ST6GALNAC3: variants seen among roughly 807,000 people sequenced by gnomAD.
The protein encoded by ST6GALNAC3 is ST6 N-acetylgalactosaminide alpha-2,6-sialyltransferase 3.
ST6GALNAC3 carries 25 observed loss-of-function variants against 32.7 expected under a neutral mutation model. That is an observed-to-expected ratio of 0.76 (90% CI 0.56 to 1.07). The LOEUF (loss-of-function observed/expected upper bound fraction) is 1.07. Ranked by LOEUF, ST6GALNAC3 falls within the 50% of genes least tolerant of loss-of-function variation. The pLI, the probability that ST6GALNAC3 is intolerant of heterozygous loss-of-function variation, is 0.00. For missense variants in ST6GALNAC3, 355 were observed against 382.4 expected, an observed-to-expected ratio of 0.93 and a Z score of 0.60; for synonymous variants, 129 against 133.1, an observed-to-expected ratio of 0.97 and a Z score of 0.21.
At chr1:76,307,129 A>G (rs115294729) in intron 1 of ST6GALNAC3, among the ~76,000 whole-genome samples, 5,081 of 152,208 alleles carry the variant, frequency 0.033, 311 homozygotes, top group African/African-American at 0.12. Flanking sequence ...GGCTGGACAG[A>G]TAGACACAAA....
chr1:76,144,815 C>T (rs1036126754), intron 1 of ST6GALNAC3, among the ~76,000 whole-genome samples: 1 of 152,150 alleles, frequency 6.6e-6, no homozygotes, highest in Non-Finnish European at 1.5e-5. Context: ...CATTGGTTAC[C>T]AACTGGTTTG....
At chr1:76,081,602 A>G (rs1646897126) in intron 1 of ST6GALNAC3, among the ~76,000 whole-genome samples, 1 of 152,194 alleles carries the variant, frequency 6.6e-6, no homozygotes, top group Admixed American at 6.5e-5. Context: ...TAGAGGAACT[A>G]GAGGGGCTGC....
chr1:76,118,908 T>A (rs1458031628), intron 1 of ST6GALNAC3, among the ~76,000 whole-genome samples: 1 of 152,186 alleles, frequency 6.6e-6, no homozygotes, highest in Non-Finnish European at 1.5e-5. Context: ...CTGCAACCTC[T>A]GTCTCCCGGG....
intron 3 of ST6GALNAC3, among the ~76,000 whole-genome samples, chr1:76,574,713 G>T (rs1380337349): frequency 6.6e-6 from 1 of 152,086 alleles, no homozygotes. Flanking sequence ...AGTTCAAATT[G>T]CCAGAAAGAG....
chr1:76,620,687 G>C (rs1648579812), intron 3 of ST6GALNAC3, among the ~76,000 whole-genome samples: 1 of 151,926 alleles, frequency 6.6e-6, no homozygotes, highest in African/African-American at 2.4e-5. Flanking sequence ...CTCATGTAAA[G>C]CTAATTATCT....
intron 3 of ST6GALNAC3, among the ~76,000 whole-genome samples, chr1:76,593,878 G>T (rs1303660887): frequency 6.6e-6 from 1 of 152,062 alleles, no homozygotes; most frequent in South Asian, 2.1e-4. Context: ...ATAGGAACAG[G>T]GATGGCAGAG....
chr1:76,610,620 G>A (rs1161310379), intron 3 of ST6GALNAC3, among the ~76,000 whole-genome samples: 3 of 152,096 alleles, frequency 2.0e-5, no homozygotes, highest in Non-Finnish European at 4.4e-5. Flanking sequence ...AAAGAGTATC[G>A]ATCCTGTTTT....
intron 1 of ST6GALNAC3, among the ~76,000 whole-genome samples, chr1:76,079,116 G>A (rs1417942118): frequency 6.6e-6 from 1 of 152,152 alleles, no homozygotes; most frequent in East Asian, 1.9e-4. Flanking sequence ...CAGCTCTGAT[G>A]TCTTCTTGGG....
chr1:76,422,374 A>G (rs1361102617), intron 3 of ST6GALNAC3, among the ~76,000 whole-genome samples: 1 of 152,052 alleles, frequency 6.6e-6, no homozygotes, highest in Non-Finnish European at 1.5e-5. Context: ...AAAAGGTGCT[A>G]GTATTGAAGC....
chr1:76,562,883 C>T (rs1665328080), intron 3 of ST6GALNAC3, among the ~76,000 whole-genome samples: 1 of 152,060 alleles, frequency 6.6e-6, no homozygotes, highest in Non-Finnish European at 1.5e-5. Flanking sequence ...AGAGACCAAG[C>T]CCTCATGTGG....
intron 3 of ST6GALNAC3, among the ~76,000 whole-genome samples, chr1:76,427,136 C>T (rs927892954): frequency 1.5e-4 from 23 of 151,996 alleles, no homozygotes; most frequent in African/African-American, 5.6e-4. Context: ...CAGAAGTGAG[C>T]ACAACACACT....
At chr1:76,285,469 C>T (rs920365914) in intron 1 of ST6GALNAC3, among the ~76,000 whole-genome samples, 15 of 151,540 alleles carry the variant, frequency 9.9e-5, no homozygotes, top group Admixed American at 1.3e-4. Flanking sequence ...GCCTTGGGGC[C>T]GTGGCAGTTT....
At chr1:76,429,932 A>G (rs1388207052) in intron 3 of ST6GALNAC3, among the ~76,000 whole-genome samples, 1 of 152,190 alleles carries the variant, frequency 6.6e-6, no homozygotes, top group African/African-American at 2.4e-5. Flanking sequence ...TCTCTCCCCA[A>G]GAGGACTCAT....
chr1:76,281,894 C>T (rs956701266), intron 1 of ST6GALNAC3, among the ~76,000 whole-genome samples: 1 of 152,070 alleles, frequency 6.6e-6, no homozygotes, highest in Non-Finnish European at 1.5e-5. Flanking sequence ...TGAGGTCATA[C>T]CAGGTGCTGG....
intron 1 of ST6GALNAC3, among the ~76,000 whole-genome samples, chr1:76,280,102 T>C (rs879429941): frequency 6.6e-6 from 1 of 152,114 alleles, no homozygotes; most frequent in African/African-American, 2.4e-5. Context: ...CTTTTCTCTC[T>C]TGCTTCTTTC....
intron 3 of ST6GALNAC3, among the ~76,000 whole-genome samples, chr1:76,552,631 A>G (rs942897857): frequency 2.6e-5 from 4 of 152,182 alleles, no homozygotes; most frequent in African/African-American, 7.2e-5. Context: ...ACTAATGTTT[A>G]TGGTCTGCAG....
At chr1:76,355,148 A>G (rs1557816530) in intron 2 of ST6GALNAC3, among the ~76,000 whole-genome samples, 1 of 151,894 alleles carries the variant, frequency 6.6e-6, no homozygotes, top group East Asian at 1.9e-4. Flanking sequence ...CAATGGATTA[A>G]TTTTTTTTCT....
intron 3 of ST6GALNAC3, among the ~76,000 whole-genome samples, chr1:76,621,736 C>T (rs1056266219): frequency 3.3e-5 from 5 of 151,922 alleles, no homozygotes; most frequent in African/African-American, 1.2e-4. Context: ...TGTATTCTTT[C>T]ATTATCCATG....
intron 2 of ST6GALNAC3, among the ~76,000 whole-genome samples, chr1:76,329,681 T>G (rs948808758): frequency 6.6e-6 from 1 of 152,216 alleles, no homozygotes; most frequent in Non-Finnish European, 1.5e-5. Context: ...TAACTAATAA[T>G]TATAAACACA....
Sources: allele counts gnomAD v4.1 joint callset (sites outside exome capture counted in the v4.1 genomes callset), GRCh38; gene constraint gnomAD v4.1.1; transcripts MANE v1.5; gene names NCBI Gene and HGNC (gene_info 2026-07-23, HGNC 2026-07-21).